Variants in TNIK observed in about 807,000 individuals in gnomAD.
TNIK encodes the protein TRAF2 and NCK-interacting protein kinase.
In TNIK, 49 loss-of-function variants were observed where a neutral mutation model predicts 191.3. That is an observed-to-expected ratio of 0.26 (90% CI 0.20 to 0.32). The LOEUF (loss-of-function observed/expected upper bound fraction) is 0.32. Ranked by LOEUF, TNIK falls within the 10% of genes least tolerant of loss-of-function variation. TNIK has a pLI of 1.00. For missense variants in TNIK, 1,155 were observed against 1,702.3 expected, an observed-to-expected ratio of 0.68 and a Z score of 5.66; for synonymous variants, 594 against 600.9, an observed-to-expected ratio of 0.99 and a Z score of 0.17.
intron 6 of TNIK, among the ~76,000 whole-genome samples, chr3:171,190,376 C>T (rs1256035558): frequency 2.0e-5 from 3 of 152,100 alleles, no homozygotes; most frequent in African/African-American, 7.2e-5. Flanking sequence ...TCTGTTATAG[C>T]AGCAACAGTA....
intron 2 of TNIK, among the ~76,000 whole-genome samples, chr3:171,246,911 T>C (rs1185119604): frequency 6.6e-6 from 1 of 152,172 alleles, no homozygotes; most frequent in Non-Finnish European, 1.5e-5. Context: ...AGTAGGACTT[T>C]AATTCAGTCC....
At chr3:171,091,220 G>T (rs372824798) in intron 23 of TNIK, among the ~76,000 whole-genome samples, 7 of 152,178 alleles carry the variant, frequency 4.6e-5, no homozygotes, top group Admixed American at 6.5e-5. Context: ...TTCCAAGTGG[G>T]ATGGGCATCA....
intron 2 of TNIK, among the ~76,000 whole-genome samples, chr3:171,327,923 A>AAAAAAAAAAAAAAAAAAAAAAAC (rs1755976334): frequency 7.0e-6 from 1 of 141,866 alleles, no homozygotes; most frequent in Non-Finnish European, 1.5e-5. Context: ...AAAAAAAAAA[A>AAAAAAAAAAAAAAAAAAAAAAAC]AAAAAAAATC....
At position 171,420,243 on chromosome 3, in the gene TNIK, T is replaced by C. The variant is rs142993726; in HGVS notation, c.57+39764A>G. Among the ~76,000 whole-genome samples the C allele has an allele frequency of 3.3e-5, 5 of 152,298 alleles. No homozygotes were observed. The East Asian group carries it at 9.6e-4, about 29-fold the overall frequency. On this transcript the variant is annotated intron_variant, in intron 1 of 32. Coordinates refer to ENST00000436636, the MANE Select transcript of TNIK (RefSeq NM_015028.4). ...AAGAAACAGAGTTGGTCCCTGCCTA[T>C]AGGAGTTTGTATTCAAGCATCTAGT...
intron 3 of TNIK, among the ~76,000 whole-genome samples, chr3:171,227,153 A>T (rs1743066882): frequency 6.6e-6 from 1 of 152,166 alleles, no homozygotes; most frequent in Non-Finnish European, 1.5e-5. Flanking sequence ...CTTTCGAGTC[A>T]GATTTTTGCT....
At chr3:171,145,758 G>A (rs1320767558) in intron 12 of TNIK, among the ~76,000 whole-genome samples, 1 of 151,104 alleles carries the variant, frequency 6.6e-6, no homozygotes, top group Non-Finnish European at 1.5e-5. Flanking sequence ...TTCCTCACAA[G>A]GGCTGTGGAG....
chr3:171,438,644 T>C (rs1236659935), intron 1 of TNIK, among the ~76,000 whole-genome samples: 1 of 152,150 alleles, frequency 6.6e-6, no homozygotes, highest in Admixed American at 6.5e-5. Flanking sequence ...ATAAAAAGTG[T>C]GAACAGAGCA....
rs555036364 is a variant in TNIK at position 171,061,188 on chromosome 3, G to A, written c.*2693C>T. Among the ~76,000 whole-genome samples, 3 of 152,228 alleles carry A rather than the reference G, an allele frequency of 2.0e-5. No homozygotes were observed. The highest frequency in any genetic ancestry group is 7.2e-5 in the African/African-American group (3 of 41,538). On this transcript the variant is annotated 3_prime_UTR_variant, in exon 33 of 33. Transcript: ENST00000436636. ...TGTCAGGGCTGGGGTCTGTCTTGCT[G>A]GAGGAAAATTTATTTTTGAAGATAA...
chr3:171,238,927 C>T (rs1007582154), intron 2 of TNIK, among the ~76,000 whole-genome samples: 1 of 152,202 alleles, frequency 6.6e-6, no homozygotes, highest in Non-Finnish European at 1.5e-5. Context: ...TACCCAGTGA[C>T]TTCTGAGACC....
chr3:171,365,340 G>A (rs1402505043), intron 2 of TNIK, among the ~76,000 whole-genome samples: 1 of 151,454 alleles, frequency 6.6e-6, no homozygotes, highest in African/African-American at 2.4e-5. Flanking sequence ...GTGCCACCAC[G>A]CCCAGCTAAT....
chr3:171,372,439 C>T (rs1716634896), intron 1 of TNIK, among the ~76,000 whole-genome samples: 1 of 152,194 alleles, frequency 6.6e-6, no homozygotes, highest in Non-Finnish European at 1.5e-5. Flanking sequence ...TTGGGGTATG[C>T]CTCAGAATCA....
chr3:171,317,770 G>T (rs1754796142), intron 2 of TNIK, among the ~76,000 whole-genome samples: 1 of 152,120 alleles, frequency 6.6e-6, no homozygotes, highest in Non-Finnish European at 1.5e-5. Flanking sequence ...GTGTTTTTCT[G>T]TTCACATTGG....
At chr3:171,134,826 T>C (rs79783795) in intron 15 of TNIK, among the ~76,000 whole-genome samples, 280 of 152,128 alleles carry the variant, frequency 1.8e-3, no homozygotes, top group African/African-American at 6.5e-3. Context: ...AACAAAGCAG[T>C]ATAAGAGCAT....
intron 2 of TNIK, among the ~76,000 whole-genome samples, chr3:171,337,172 C>T (rs893552649): frequency 2.0e-5 from 3 of 152,200 alleles, no homozygotes; most frequent in African/African-American, 4.8e-5. Flanking sequence ...TATCACAGCT[C>T]AAAGGCAAGC....
At chr3:171,345,303 TC>T (rs759040699) in intron 2 of TNIK, among the ~76,000 whole-genome samples, 1 of 152,218 alleles carries the variant, frequency 6.6e-6, no homozygotes, top group Non-Finnish European at 1.5e-5. Flanking sequence ...CCCTGCAATG[TC>T]CTGGCTTGTG....
At chr3:171,271,593 C>T (rs1749111086) in intron 2 of TNIK, among the ~76,000 whole-genome samples, 1 of 152,208 alleles carries the variant, frequency 6.6e-6, no homozygotes, top group Non-Finnish European at 1.5e-5. Context: ...TAATCTCTAC[C>T]TCTCATGTGT....
chr3:171,222,295 C>T (rs906857387), intron 3 of TNIK, among the ~76,000 whole-genome samples: 27 of 152,078 alleles, frequency 1.8e-4, no homozygotes, highest in African/African-American at 6.5e-4. Flanking sequence ...ATCCATGAGG[C>T]TTGGGCAAGT....
chr3:171,459,225 G>GACACAC (rs10656785), intron 1 of TNIK, among the ~76,000 whole-genome samples: 3 of 150,498 alleles, frequency 2.0e-5, no homozygotes, highest in East Asian at 2.0e-4. Flanking sequence ...AACACACACA[G>GACACAC]ACACACACAC....
rs753125107 is a variant in TNIK, at chr3:171,125,994, G to A, written c.1931C>T (p.Ser644Leu). The A allele has an allele frequency of 8.7e-6, 14 of 1,613,844 alleles. No individual in the cohort carries two copies. The highest frequency in any genetic ancestry group is 4.5e-5 in the East Asian group (2 of 44,884). ...EMPRQNSDPT[S>L]ENPPLPTRIE... Reference sequence around the variant, plus strand: ...GCGAGTGGGGAGAGGAGGATTTTCCGAGGTGGGATCTGAGTTCTGGCGTGG... The same window carrying A: ...GCGAGTGGGGAGAGGAGGATTTTCCAAGGTGGGATCTGAGTTCTGGCGTGG... Residue 644 changes from serine to leucine, a missense_variant, in exon 17 of 33, where the codon TCG becomes TTG. By Grantham distance (145) the Ser-to-Leu change is moderately radical (BLOSUM62 -2). Around this residue, in one of 3 missense-constraint regions of TNIK, gnomAD observed 735 missense variants for 848.0 expected, o/e 0.87. Transcript: ENST00000436636.
Sources: allele counts gnomAD v4.1 joint callset (sites outside exome capture counted in the v4.1 genomes callset), GRCh38; gene constraint gnomAD v4.1.1; regional missense constraint gnomAD v4.1.1; transcripts MANE v1.5; gene names NCBI Gene and HGNC (gene_info 2026-07-23, HGNC 2026-07-21).